RABGAP1L: variants seen among roughly 807,000 people sequenced by gnomAD.
The protein encoded by RABGAP1L is RAB GTPase activating protein 1 like.
A neutral mutation model predicts 137.7 loss-of-function variants in RABGAP1L; 63 were observed. The observed-to-expected ratio is 0.46, with a 90% CI of 0.37 to 0.56. The LOEUF (loss-of-function observed/expected upper bound fraction) is 0.56. Among genes scored for constraint, RABGAP1L ranks in the 20% least tolerant of loss-of-function variants. The pLI is 0.00. For missense variants in RABGAP1L, 1,095 were observed against 1,244.0 expected, an observed-to-expected ratio of 0.88 and a Z score of 1.80; for synonymous variants, 431 against 433.7, an observed-to-expected ratio of 0.99 and a Z score of 0.08.
intron 13 of RABGAP1L, among the ~76,000 whole-genome samples, chr1:174,495,505 C>T (rs1660659716): frequency 6.6e-6 from 1 of 152,124 alleles, no homozygotes; most frequent in African/African-American, 2.4e-5. Context: ...ATGTAAAATA[C>T]TTCTTCAGGA....
At chr1:174,969,252 A>G in intron 20 of RABGAP1L, 25 bp from the exon 21 acceptor site, 1 of 1,504,498 alleles carries the variant, frequency 6.6e-7, no homozygotes, top group Non-Finnish European at 9.1e-7. Context: ...ACTAATGCCC[A>G]CCTCTGGCTA....
At chr1:174,390,985 C>T (rs1354327107) in intron 12 of RABGAP1L, among the ~76,000 whole-genome samples, 1 of 152,064 alleles carries the variant, frequency 6.6e-6, no homozygotes, top group Non-Finnish European at 1.5e-5. Context: ...TAACTTCAAG[C>T]CCTTAAGAGG....
intron 19 of RABGAP1L, among the ~76,000 whole-genome samples, chr1:174,851,689 T>A (rs925006722): frequency 1.1e-4 from 16 of 151,498 alleles, no homozygotes; most frequent in South Asian, 4.2e-4. Flanking sequence ...TTTTTTTTTT[T>A]AATTTTTTTT....
At chr1:174,249,072 G>C (rs1481641681) in intron 5 of RABGAP1L, among the ~76,000 whole-genome samples, 1 of 151,972 alleles carries the variant, frequency 6.6e-6, no homozygotes, top group Non-Finnish European at 1.5e-5. Context: ...TGGATTTAGA[G>C]TACTTCTTCA....
At chr1:174,752,222 AT>A in intron 17 of RABGAP1L, 90 bp from the exon 18 acceptor site, 1 of 970,474 alleles carries the variant, frequency 1.0e-6, no homozygotes. Flanking sequence ...GCAATTAGGA[AT>A]TTTATTAAAT....
intron 19 of RABGAP1L, chr1:174,877,330 C>CTT: frequency 7.4e-7 from 1 of 1,350,834 alleles, no homozygotes; most frequent in Non-Finnish European, 1.0e-6. Flanking sequence ...ATAGCAGCCG[C>CTT]TTTTTTTTTC....
At chr1:174,412,752 T>G (rs1206780872) in intron 13 of RABGAP1L, among the ~76,000 whole-genome samples, 2 of 152,194 alleles carry the variant, frequency 1.3e-5, no homozygotes, top group East Asian at 3.8e-4. Context: ...AATTCTTAGT[T>G]GGAATTTTTT....
chr1:174,614,986 T>G lies in RABGAP1L; in HGVS notation c.1711-22389T>G, dbSNP rs1334930484. ...TTCTAGTTATACATTTGTCTAAATT[T>G]TTTTCAAAGTTATTAACTTCTTTGC... On this transcript the variant is annotated intron_variant, in intron 13 of 25. Transcript: ENST00000681986. Among the ~76,000 whole-genome samples the G allele has an allele frequency of 2.6e-5, 4 of 152,208 alleles. No homozygotes were observed. The South Asian group carries it at 6.2e-4, about 24-fold the overall frequency.
intron 13 of RABGAP1L, among the ~76,000 whole-genome samples, chr1:174,395,619 T>A (rs372491877): frequency 1.1e-3 from 167 of 152,288 alleles, no homozygotes; most frequent in African/African-American, 3.8e-3. Flanking sequence ...TTAAAACTTA[T>A]ACAAGTAGTT....
In RABGAP1L at chr1:174,231,314, T is replaced by C; in HGVS notation, c.501T>C (p.Pro167=). The C allele has an allele frequency of 6.2e-7, 1 of 1,614,168 alleles. No homozygotes were observed. Among genetic ancestry groups the C allele is most frequent in the Non-Finnish European group, 8.5e-7 (1 of 1,180,018 alleles). Residue 167 remains proline (P), a synonymous_variant, in exon 4 of 26, where the codon CCT becomes CCC. Coordinates refer to ENST00000681986, the MANE Select transcript of RABGAP1L (RefSeq NM_001366446.1). ...TMKSSSQYPF[P]VTLYVPNVPE... ...AATCTTCCAGTCAATACCCCTTTCC[T>C]GTTACCCTGTATGTACCAAATGTTC...
intron 13 of RABGAP1L, among the ~76,000 whole-genome samples, chr1:174,436,241 A>C (rs1423085401): frequency 1.3e-5 from 2 of 152,218 alleles, no homozygotes; most frequent in African/African-American, 4.8e-5. Flanking sequence ...ACTGACTTCC[A>C]CAATGGTTGA....
At chr1:174,512,443 C>T (rs1305817195) in intron 13 of RABGAP1L, among the ~76,000 whole-genome samples, 3 of 152,130 alleles carry the variant, frequency 2.0e-5, no homozygotes, top group South Asian at 4.1e-4. Context: ...GCCTGTTTTA[C>T]TTCAAAATAG....
intron 17 of RABGAP1L, among the ~76,000 whole-genome samples, chr1:174,748,289 A>G (rs1684047120): frequency 1.3e-5 from 2 of 152,292 alleles, no homozygotes; most frequent in South Asian, 2.1e-4. Context: ...AAAATTTGGG[A>G]AAGCTAGTGT....
chr1:174,192,905 C>A (rs1301555688), intron 1 of RABGAP1L, among the ~76,000 whole-genome samples: 1 of 152,136 alleles, frequency 6.6e-6, no homozygotes, highest in African/African-American at 2.4e-5. Flanking sequence ...AGGAGACAGA[C>A]CACCACAAAG....
intron 19 of RABGAP1L, among the ~76,000 whole-genome samples, chr1:174,955,338 C>T (rs1668356600): frequency 6.6e-6 from 1 of 152,142 alleles, no homozygotes; most frequent in Admixed American, 6.6e-5. Flanking sequence ...GTTTGTGAAA[C>T]TTCCCAATTG....
chr1:174,644,675 A>G (rs1674809221), intron 14 of RABGAP1L, among the ~76,000 whole-genome samples: 1 of 152,116 alleles, frequency 6.6e-6, no homozygotes, highest in South Asian at 2.1e-4. Context: ...TGGCTTAAAT[A>G]TCCTAGACAA....
At chr1:174,958,479 A>C (rs912913859) in intron 20 of RABGAP1L, among the ~76,000 whole-genome samples, 1 of 152,210 alleles carries the variant, frequency 6.6e-6, no homozygotes, top group South Asian at 2.1e-4. Context: ...TCAATACACT[A>C]AGATAAAAGA....
At chr1:174,975,609 C>T (rs942106205) in intron 21 of RABGAP1L, among the ~76,000 whole-genome samples, 1 of 152,290 alleles carries the variant, frequency 6.6e-6, no homozygotes, top group African/African-American at 2.4e-5. Context: ...ACCCTGTCTG[C>T]TCCCCTCTCT....
intron 13 of RABGAP1L, among the ~76,000 whole-genome samples, chr1:174,467,499 G>A (rs1310363860): frequency 6.6e-6 from 1 of 151,914 alleles, no homozygotes; most frequent in Non-Finnish European, 1.5e-5. Context: ...GTTAGACAAA[G>A]AGTAAAATTA....
Sources: allele counts gnomAD v4.1 joint callset (sites outside exome capture counted in the v4.1 genomes callset), GRCh38; gene constraint gnomAD v4.1.1; transcripts MANE v1.5; gene names NCBI Gene and HGNC (gene_info 2026-07-23, HGNC 2026-07-21).